Variants in TMEM108 observed in about 807,000 individuals in gnomAD.
TMEM108 encodes transmembrane protein 108, also known as cancer/testis antigen 124.
Under a neutral mutation model 35.1 loss-of-function variants are expected in TMEM108, and 12 were observed. The observed-to-expected ratio is 0.34, with a 90% confidence interval of 0.22 to 0.55. TMEM108 has a LOEUF of 0.55. TMEM108 is among the 20% of genes least tolerant of loss of function. The pLI is 0.89. For synonymous variants in TMEM108, 287 were observed against 308.6 expected, an observed-to-expected ratio of 0.93 and a Z score of 0.73; for missense variants, 680 against 753.3, an observed-to-expected ratio of 0.90 and a Z score of 1.14.
chr3:133,353,808 T>C (rs1220849710), intron 3 of TMEM108, among the ~76,000 whole-genome samples: 3 of 152,218 alleles, frequency 2.0e-5, no homozygotes, highest in Non-Finnish European at 4.4e-5. Context: ...AGGCTCTCCC[T>C]TTCAGAAAAC....
chr3:133,368,265 C>T lies in TMEM108; in HGVS notation c.41-11487C>T, dbSNP rs142366258. 2.2e-4 allele frequency among the ~76,000 whole-genome samples: 33 copies of T among 152,348 alleles called. No individual in the cohort carries two copies. The East Asian group carries it at 6.2e-3, about 28-fold the overall frequency. On this transcript the variant is annotated intron_variant, in intron 3 of 5. Transcript: ENST00000321871. ...TGAGGCTGTTCTATTAGCTGCCCCC[C>T]TAACAAAAACTCCTATTTGTCCTAT...
chr3:133,329,947 G>C (rs1175401233), intron 3 of TMEM108, among the ~76,000 whole-genome samples: 3 of 152,140 alleles, frequency 2.0e-5, no homozygotes, highest in Non-Finnish European at 4.4e-5. Flanking sequence ...TCTTGGTGCT[G>C]GGAAAGATGC....
intron 3 of TMEM108, chr3:133,248,116 G>A (rs1183505404): frequency 6.6e-6 from 1 of 152,164 alleles, no homozygotes; most frequent in East Asian, 1.9e-4. Context: ...ACTCCTCTAT[G>A]TATGTTTGAA....
At chr3:133,046,837 A>G (rs1402459) in intron 2 of TMEM108, among the ~76,000 whole-genome samples, 93,399 of 151,980 alleles carry the variant, frequency 0.61, 29,551 homozygotes, top group African/African-American at 0.77. Flanking sequence ...AGGATGGTTA[A>G]GAATGAGGGA....
At chr3:133,243,752 T>A (rs1946345817) in intron 3 of TMEM108, among the ~76,000 whole-genome samples, 1 of 120,876 alleles carries the variant, frequency 8.3e-6, no homozygotes, top group African/African-American at 3.1e-5. Flanking sequence ...CTCGATCTCC[T>A]GACCTCGTGA....
chr3:133,060,796 C>T (rs905829988), intron 2 of TMEM108, among the ~76,000 whole-genome samples: 3 of 152,038 alleles, frequency 2.0e-5, no homozygotes, highest in Admixed American at 1.3e-4. Flanking sequence ...ACTGCATAGC[C>T]ATGAAACGAT....
chr3:133,207,634 A>G (rs1431641543), intron 2 of TMEM108, among the ~76,000 whole-genome samples: 1 of 152,054 alleles, frequency 6.6e-6, no homozygotes, highest in East Asian at 1.9e-4. Flanking sequence ...AATTCAGTGA[A>G]AGGTCTAGTT....
At chr3:133,370,551 T>G (rs2107813143) in intron 3 of TMEM108, among the ~76,000 whole-genome samples, 2 of 152,304 alleles carry the variant, frequency 1.3e-5, no homozygotes, top group East Asian at 3.9e-4. Flanking sequence ...CCTTTTAGTT[T>G]GGGAGGGTAC....
At chr3:133,280,967 A>C (rs1192374144) in intron 3 of TMEM108, among the ~76,000 whole-genome samples, 1 of 152,244 alleles carries the variant, frequency 6.6e-6, no homozygotes. Flanking sequence ...AAGCTTTCAC[A>C]CTGTCACTTC....
At position 133,235,353 on chromosome 3, in the gene TMEM108, T is replaced by A. The variant is rs191337445; in HGVS notation, c.40+6002T>A. Among the ~76,000 whole-genome samples, 281 of 152,236 alleles carry A rather than the reference T, an allele frequency of 1.8e-3. 2 individuals carry two copies. The highest frequency in any genetic ancestry group is 6.5e-3 in the African/African-American group (270 of 41,540). ...CATCACGCTACCTGACTTCAAACTA[T>A]ACTACAAGGCTGCAGTAACCAAAAC... On this transcript the variant is annotated intron_variant, in intron 3 of 5. Transcript: ENST00000321871.
At chr3:133,134,312 A>G (rs1944533999) in intron 2 of TMEM108, among the ~76,000 whole-genome samples, 1 of 152,096 alleles carries the variant, frequency 6.6e-6, no homozygotes, top group African/African-American at 2.4e-5. Context: ...TATGTTCTAT[A>G]CATCTAAAAG....
chr3:133,170,038 GA>G (rs1430640571), intron 2 of TMEM108, among the ~76,000 whole-genome samples: 2 of 152,118 alleles, frequency 1.3e-5, no homozygotes, highest in East Asian at 3.8e-4. Flanking sequence ...AGGAGAGGGG[GA>G]TAACTTTTAC....
intron 2 of TMEM108, among the ~76,000 whole-genome samples, chr3:133,067,912 A>G (rs1041684876): frequency 6.6e-6 from 1 of 152,048 alleles, no homozygotes; most frequent in Non-Finnish European, 1.5e-5. Flanking sequence ...CATAGAAAAA[A>G]AAAAGAAACT....
rs200257480 is a variant in TMEM108 at position 133,380,890 on chromosome 3, A to C, written c.1179A>C (p.Ser393=). The C allele has an allele frequency of 6.2e-7, 1 of 1,614,186 alleles. No individual in the cohort carries two copies. ...CTCCAACCCATCCCTCCAGGGTCTC[A>C]GAAAGCACTATTTCTGGAGCCAAGG... ...PQAPTHPSRV[S]ESTISGAKEE... Residue 393 remains serine, a synonymous_variant, in exon 4 of 6, where the codon TCA becomes TCC. Coordinates refer to ENST00000321871, the MANE Select transcript of TMEM108 (RefSeq NM_023943.4). This position sits in a 1 kb window ranked among gnomAD's most constrained non-coding sequence, Gnocchi z 5.3.
At chr3:133,123,895 G>A (rs1480249379) in intron 2 of TMEM108, among the ~76,000 whole-genome samples, 5 of 152,204 alleles carry the variant, frequency 3.3e-5, no homozygotes, top group African/African-American at 1.2e-4. Flanking sequence ...GGTAGGAGTA[G>A]AAATGCCTAT....
At chr3:133,287,376 G>A (rs1473441525) in intron 3 of TMEM108, among the ~76,000 whole-genome samples, 1 of 152,194 alleles carries the variant, frequency 6.6e-6, no homozygotes, top group African/African-American at 2.4e-5. Context: ...CCATGGATTA[G>A]TCAAGTATCT....
At chr3:133,279,288 A>C (rs1309026027) in intron 3 of TMEM108, among the ~76,000 whole-genome samples, 1 of 152,012 alleles carries the variant, frequency 6.6e-6, no homozygotes, top group African/African-American at 2.4e-5. Flanking sequence ...GACACCTGTT[A>C]CTCCCAAGTC....
At chr3:133,094,222 C>T (rs1162431668) in intron 2 of TMEM108, among the ~76,000 whole-genome samples, 2 of 66,548 alleles carry the variant, frequency 3.0e-5, no homozygotes, top group Admixed American at 1.9e-4. Context: ...CCACCTCCCA[C>T]CCCACCCCCC....
intron 2 of TMEM108, among the ~76,000 whole-genome samples, chr3:133,160,031 A>T (rs890631315): frequency 3.9e-5 from 6 of 152,216 alleles, no homozygotes; most frequent in African/African-American, 1.4e-4. Flanking sequence ...CTAGGTTCAC[A>T]GTCACCTTCT....
Sources: gnomAD v4.1 joint callset for allele counts (sites outside exome capture counted in the v4.1 genomes callset) on GRCh38, gnomAD v4.1.1 for gene constraint, Gnocchi (gnomAD v3.1) non-coding constraint, MANE v1.5 for transcripts, NCBI Gene and HGNC (gene_info 2026-07-23, HGNC 2026-07-21) for gene names.